Variants in PCDHA3 observed in about 807,000 individuals in gnomAD.
The protein encoded by PCDHA3 is protocadherin alpha 3.
Under a neutral mutation model 62.2 loss-of-function variants are expected in PCDHA3, and 41 were observed. That is an observed-to-expected ratio of 0.66 (90% confidence interval 0.51 to 0.86). The LOEUF is 0.86. Ranked by LOEUF, PCDHA3 falls within the 40% of genes least tolerant of loss-of-function variation. The pLI is 0.00. For missense variants in PCDHA3, 1,304 were observed against 1,241.2 expected, an observed-to-expected ratio of 1.05 and a Z score of -0.76; for synonymous variants, 640 against 555.4, an observed-to-expected ratio of 1.15 and a Z score of -2.14.
At chr5:140,901,599 A>G (rs1196199794) in intron 1 of PCDHA3, among the ~76,000 whole-genome samples, 2 of 152,132 alleles carry the variant, frequency 1.3e-5, no homozygotes, top group South Asian at 2.1e-4. Flanking sequence ...TTTGGTTACT[A>G]TATCTCTATG....
chr5:141,008,642 T>C (rs1554261860), intron 3 of PCDHA3, among the ~76,000 whole-genome samples: 1 of 152,212 alleles, frequency 6.6e-6, no homozygotes, highest in Non-Finnish European at 1.5e-5. Flanking sequence ...AACAATTTCT[T>C]CTTCTGGAGT....
At position 140,848,714 on chromosome 5, in the gene PCDHA3, C is replaced by A. The variant is rs2150418580; in HGVS notation, c.2394+45123C>A. On this transcript the variant is annotated intron_variant, in intron 1 of 3. Transcript: ENST00000522353. ...AGTTGGATTCCAAAGGCCGCGGGGA[C>A]CTTCTGGAGGTAAATCTGCAGAATG... 5.0e-6 allele frequency: 8 copies of A among 1,592,122 alleles called. 1 individual carries two copies. Among genetic ancestry groups the A allele is most frequent in the Non-Finnish European group, 6.0e-6 (7 of 1,163,208 alleles).
rs782392001 is a variant in PCDHA3 at position 140,857,340 on chromosome 5, C to G, written c.2394+53749C>G. 2.5e-6 allele frequency: 4 copies of G among 1,598,236 alleles called. No individual in the cohort carries two copies. The South Asian group carries it at 4.4e-5, about 18-fold the overall frequency. ...GTGGTGACCGCGCGGGACGGGGGCTCGCCTCCGCTGTGGGCCACGGCCAGC... is the reference window on the plus strand; with the variant it reads ...GTGGTGACCGCGCGGGACGGGGGCTGGCCTCCGCTGTGGGCCACGGCCAGC... On this transcript the variant is annotated intron_variant, in intron 1 of 3. Coordinates refer to ENST00000522353, the MANE Select transcript of PCDHA3 (RefSeq NM_018906.3).
intron 1 of PCDHA3, chr5:140,830,430 C>T (rs1483777919): frequency 3.7e-6 from 6 of 1,613,592 alleles, no homozygotes; most frequent in Non-Finnish European, 5.1e-6. Flanking sequence ...TCACCTTGTC[C>T]TATTATGATG....
chr5:140,881,369 T>C (rs2058687376), intron 1 of PCDHA3: 2 of 985,186 alleles, frequency 2.0e-6, no homozygotes, highest in Non-Finnish European at 2.4e-6. Flanking sequence ...TTCGTATGAA[T>C]TGCAGCCGGC....
chr5:140,961,715 A>G (rs1363525264), intron 1 of PCDHA3, among the ~76,000 whole-genome samples: 2 of 152,160 alleles, frequency 1.3e-5, no homozygotes, highest in Non-Finnish European at 2.9e-5. Flanking sequence ...TTCATTTCTA[A>G]GTGCTCATAA....
At chr5:140,923,660 G>T (rs1442227445) in intron 1 of PCDHA3, among the ~76,000 whole-genome samples, 1 of 152,148 alleles carries the variant, frequency 6.6e-6, no homozygotes, top group South Asian at 2.1e-4. Context: ...TTATCTTTGG[G>T]ATATCGTTCT....
rs952664867 is a variant in PCDHA3 at position 140,802,011 on chromosome 5, G to A, written c.814G>A (p.Gly272Arg). The A allele has an allele frequency of 2.5e-6, 4 of 1,614,198 alleles. No individual in the cohort carries two copies. Among genetic ancestry groups the A allele is most frequent in the Non-Finnish European group, 3.4e-6 (4 of 1,180,042 alleles). Residue 272 changes from glycine (G) to arginine (R), a missense_variant, in exon 1 of 4, where the codon GGA becomes AGA. By Grantham distance (125) the Gly-to-Arg change is moderately radical. Coordinates refer to ENST00000522353, the MANE Select transcript of PCDHA3 (RefSeq NM_018906.3). The part of the protein sequence containing the change: ...VTVNATDLDE[G>R]VNKDIAYSFN... ...CGTTAACGCCACCGATTTGGATGAA[G>A]GAGTAAATAAGGATATCGCGTATTC...
intron 1 of PCDHA3, chr5:140,824,078 T>A: frequency 6.2e-7 from 1 of 1,614,194 alleles, no homozygotes; most frequent in South Asian, 1.1e-5. Flanking sequence ...AAAACAGACC[T>A]CATGGCCTTC....
intron 1 of PCDHA3, among the ~76,000 whole-genome samples, chr5:140,943,702 G>C (rs2153663732): frequency 6.6e-6 from 1 of 152,280 alleles, no homozygotes; most frequent in South Asian, 2.1e-4. Context: ...AAATATTGTG[G>C]AACACATTTA....
rs200664126 is a variant in PCDHA3 at position 140,843,124 on chromosome 5, G to A, written c.2394+39533G>A. 390 of 1,595,868 alleles carry A rather than the reference G, an allele frequency of 2.4e-4. 33 individuals are homozygous for A. Among genetic ancestry groups the A allele is most frequent in the Non-Finnish European group, 2.8e-4 (332 of 1,165,564 alleles). ...AGGTGCGCGCAGTGGACGCCGACTCGGGCTACAACGCGTGGCTTTCGTATG... is the reference window on the plus strand; with the variant it reads ...AGGTGCGCGCAGTGGACGCCGACTCAGGCTACAACGCGTGGCTTTCGTATG... On this transcript the variant is annotated intron_variant, in intron 1 of 3. Coordinates refer to ENST00000522353, the MANE Select transcript of PCDHA3 (RefSeq NM_018906.3).
In PCDHA3 at chr5:140,802,780, T is replaced by C. The variant is rs2149963513; in HGVS notation, c.1583T>C (p.Leu528Pro). 2 of 1,613,244 alleles carry C rather than the reference T, an allele frequency of 1.2e-6. No individual in the cohort carries two copies. Among genetic ancestry groups the C allele is most frequent in the Non-Finnish European group, 1.7e-6 (2 of 1,179,898 alleles). Reference protein sequence around the residue: ...YALQPLDHEELELLQFQVSAR... With the variant: ...YALQPLDHEEPELLQFQVSAR... ...CTGCAGCCGCTGGACCACGAGGAGCTAGAGCTGCTGCAGTTCCAGGTGAGT... is the reference window on the plus strand; with the variant it reads ...CTGCAGCCGCTGGACCACGAGGAGCCAGAGCTGCTGCAGTTCCAGGTGAGT... The change falls in exon 1 of 4, where the codon CTA (leucine) becomes CCA (proline). Residue 528 changes from leucine to proline, a missense_variant. Coordinates refer to ENST00000522353, the MANE Select transcript of PCDHA3 (RefSeq NM_018906.3).
intron 1 of PCDHA3, among the ~76,000 whole-genome samples, chr5:140,971,561 A>G (rs367567903): frequency 1.3e-3 from 195 of 152,186 alleles, no homozygotes; most frequent in African/African-American, 4.3e-3. Context: ...TTAAATTCCC[A>G]TGTTGGGCTT....
At chr5:140,870,368 T>A in intron 1 of PCDHA3, 1 of 1,614,094 alleles carries the variant, frequency 6.2e-7, no homozygotes, top group Admixed American at 1.7e-5. Context: ...GCCTATGAAC[T>A]GGTGGTGACT....
At chr5:140,894,042 C>T (rs1180138209) in intron 1 of PCDHA3, among the ~76,000 whole-genome samples, 2 of 152,078 alleles carry the variant, frequency 1.3e-5, no homozygotes, top group African/African-American at 2.4e-5. Context: ...TAATGTAAGT[C>T]CTCTGTTGAA....
intron 1 of PCDHA3, chr5:140,821,974 T>C: frequency 6.2e-7 from 1 of 1,614,126 alleles, no homozygotes; most frequent in Non-Finnish European, 8.5e-7. Context: ...CCGGGTGGCG[T>C]CCAAGGGCCG....
intron 1 of PCDHA3, chr5:140,870,827 C>T (rs782048793): frequency 8.1e-6 from 13 of 1,613,648 alleles, no homozygotes; most frequent in Non-Finnish European, 9.3e-6. Context: ...GCGGGAGGCG[C>T]AGTTAACAAG....
intron 1 of PCDHA3, chr5:140,808,433 G>A: frequency 6.2e-7 from 1 of 1,614,160 alleles, no homozygotes. Context: ...CCTGGACCGC[G>A]AGAGCGTGTC....
At chr5:140,832,791 A>G (rs2150204193) in intron 1 of PCDHA3, among the ~76,000 whole-genome samples, 2 of 152,336 alleles carry the variant, frequency 1.3e-5, no homozygotes, top group South Asian at 4.1e-4. Context: ...AAGGTACATC[A>G]TAGTGTTATT....
Sources: allele counts gnomAD v4.1 joint callset (sites outside exome capture counted in the v4.1 genomes callset), GRCh38; gene constraint gnomAD v4.1.1; transcripts MANE v1.5; gene names NCBI Gene and HGNC (gene_info 2026-07-23, HGNC 2026-07-21).